The following GPHN variants were observed in gnomAD, a reference collection of about 807,000 sequenced individuals.
GPHN encodes the protein gephyrin.
A neutral mutation model predicts 95.5 loss-of-function variants in GPHN; 17 were observed. The ratio of observed to expected loss-of-function variants is 0.18; its 90% CI spans 0.12 to 0.27. GPHN has a LOEUF of 0.27. Ranked by LOEUF, GPHN falls within the 10% of genes least tolerant of loss-of-function variation. The probability of loss-of-function intolerance (pLI) is 1.00; values close to 1 mark genes in which losing one functional copy is unlikely to be tolerated. For synonymous variants in GPHN, 320 were observed against 322.5 expected (o/e 0.99, Z 0.08); for missense variants, 660 against 978.1 (o/e 0.67, Z 4.34).
chr14:67,587,422 T>C, the GPHN span: 521 of 654,116 alleles, frequency 8.0e-4, no homozygotes, highest in African/African-American at 8.0e-3. Context: ...GGCTCAACTT[T>C]TTAAAATCCA....
chr14:67,523,874 A>G, the GPHN span, among the ~76,000 whole-genome samples: 4 of 151,926 alleles, frequency 2.6e-5, no homozygotes, highest in Admixed American at 2.6e-4. Flanking sequence ...CAGTAATGTC[A>G]GGTATAGAGC....
the GPHN span, among the ~76,000 whole-genome samples, chr14:67,711,214 T>C: frequency 6.6e-6 from 1 of 152,234 alleles, no homozygotes; most frequent in African/African-American, 2.4e-5. Context: ...CCAATATCAA[T>C]GTCTTATTTA....
At chr14:67,035,159 G>T (rs1431905490) in intron 10 of GPHN, among the ~76,000 whole-genome samples, 1 of 151,550 alleles carries the variant, frequency 6.6e-6, no homozygotes, top group Admixed American at 6.6e-5. Flanking sequence ...ACAACCAGTA[G>T]GTCAAAGGAA....
chr14:66,834,810 G>A (rs1221342284), intron 4 of GPHN, among the ~76,000 whole-genome samples: 1 of 144,788 alleles, frequency 6.9e-6, no homozygotes, highest in African/African-American at 2.6e-5. Context: ...CTATTGATTG[G>A]AATAGTTTCA....
the GPHN span, among the ~76,000 whole-genome samples, chr14:67,373,268 CT>C: frequency 6.6e-6 from 1 of 151,882 alleles, no homozygotes; most frequent in East Asian, 1.9e-4. Context: ...AATGACTGTT[CT>C]TTTTTTTAAA....
At chr14:67,565,209 A>G in the GPHN span, among the ~76,000 whole-genome samples, 1 of 151,914 alleles carries the variant, frequency 6.6e-6, no homozygotes, top group Admixed American at 6.6e-5. Context: ...TACTTGCCCA[A>G]GGTCATGTAG....
chr14:66,552,722 C>A (rs1017359146), intron 1 of GPHN, among the ~76,000 whole-genome samples: 1 of 152,164 alleles, frequency 6.6e-6, no homozygotes, highest in Non-Finnish European at 1.5e-5. Context: ...TAGCCTTCAC[C>A]CCCCAAGTAC....
the GPHN span, chr14:67,571,573 T>C: frequency 1.8e-6 from 1 of 566,596 alleles, no homozygotes; most frequent in Non-Finnish European, 3.2e-6. Context: ...CTGAGAAGCA[T>C]GGAGGTCATG....
At chr14:67,204,456 AAT>A in the GPHN span, 1,458 of 1,318,996 alleles carry the variant, frequency 1.1e-3, no homozygotes, top group East Asian at 1.7e-3. Context: ...CAAACAAACA[AAT>A]ATATATATAT....
chr14:66,623,617 CAAAAAA>C (rs57810648), intron 1 of GPHN, among the ~76,000 whole-genome samples: 171 of 91,518 alleles, frequency 1.9e-3, no homozygotes, highest in African/African-American at 4.3e-3. Context: ...GACTCTGTTT[CAAAAAA>C]AAAAAAAAAA....
At chr14:66,683,341 T>TGAACATATATATATGAAC in intron 2 of GPHN, among the ~76,000 whole-genome samples, 1 of 21,932 alleles carries the variant, frequency 4.6e-5, no homozygotes, top group Non-Finnish European at 7.5e-5. Flanking sequence ...TATATATATA[T>TGAACATATATATATGAAC]ATATATATAT....
At chr14:66,895,427 C>T (rs138290115) in intron 5 of GPHN, among the ~76,000 whole-genome samples, 4 of 152,212 alleles carry the variant, frequency 2.6e-5, no homozygotes, top group African/African-American at 9.6e-5. Flanking sequence ...TTAATGGGTG[C>T]AGCAAACCAA....
At chr14:67,104,442 C>T (rs773496901) in intron 13 of GPHN, among the ~76,000 whole-genome samples, 2 of 152,222 alleles carry the variant, frequency 1.3e-5, no homozygotes, top group Non-Finnish European at 1.5e-5. Flanking sequence ...AGTATGAGTT[C>T]TTCTTTAAAT....
In GPHN at chr14:66,753,234, C is replaced by T. The variant is rs567368896; in HGVS notation, c.144-23230C>T. On this transcript the variant is annotated intron_variant, in intron 2 of 22. Transcript: ENST00000478722. ...TAGAGCCCCTGGGTATATACTTACT[C>T]TCTTGTACATCCACCATGCAATAAG... 2.0e-5 allele frequency among the ~76,000 whole-genome samples: 3 copies of T among 152,100 alleles called. No homozygotes were observed. The East Asian group carries it at 5.8e-4, about 29-fold the overall frequency.
At chr14:67,729,545 T>C in the GPHN span, 6 of 707,164 alleles carry the variant, frequency 8.5e-6, no homozygotes, top group Non-Finnish European at 1.5e-5. Flanking sequence ...AAACTTACAG[T>C]ACAAACTTAT....
intron 1 of GPHN, among the ~76,000 whole-genome samples, chr14:66,669,134 CG>C (rs1026245128): frequency 6.6e-6 from 1 of 151,992 alleles, no homozygotes; most frequent in African/African-American, 2.4e-5. Context: ...AAGGCCAAGA[CG>C]GGTGGATCAG....
chr14:66,957,187 C>CTTTTTTTTTT (rs1157690518), intron 8 of GPHN, among the ~76,000 whole-genome samples: 6 of 84,830 alleles, frequency 7.1e-5, no homozygotes, highest in Non-Finnish European at 1.0e-4. Flanking sequence ...TTCTTTCTTT[C>CTTTTTTTTTT]TTTTTTTTTT....
the GPHN span, chr14:67,533,267 C>T: frequency 6.6e-6 from 1 of 151,992 alleles, no homozygotes; most frequent in African/African-American, 2.4e-5. Flanking sequence ...CCCACGACCC[C>T]TGCTGCCGGG....
intron 4 of GPHN, among the ~76,000 whole-genome samples, chr14:66,843,225 T>G (rs565525897): frequency 6.6e-6 from 1 of 152,278 alleles, no homozygotes; most frequent in Non-Finnish European, 1.5e-5. Flanking sequence ...GCAAATGGCC[T>G]GGTACTGCCA....
Sources: allele counts gnomAD v4.1 joint callset (sites outside exome capture counted in the v4.1 genomes callset), GRCh38; gene constraint gnomAD v4.1.1; transcripts MANE v1.5; gene names NCBI Gene and HGNC (gene_info 2026-07-23, HGNC 2026-07-21).